PRDM11: variants seen among roughly 807,000 people sequenced by gnomAD.
PRDM11 encodes the protein PR domain-containing protein 11.
A neutral mutation model predicts 97.8 loss-of-function variants in PRDM11; 20 were observed. The ratio of observed to expected loss-of-function variants is 0.20; its 90% CI spans 0.14 to 0.30. The LOEUF is 0.30. Ranked by LOEUF, PRDM11 falls within the 10% of genes least tolerant of loss-of-function variation. The probability of loss-of-function intolerance (pLI) is 1.00; values close to 1 mark genes in which losing one functional copy is unlikely to be tolerated. For synonymous variants in PRDM11, 599 were observed against 637.7 expected (o/e 0.94, Z 0.91); for missense variants, 1,139 against 1,555.2 (o/e 0.73, Z 4.50).
chr11:45,181,668 C>T (rs1479956880), intron 1 of PRDM11, 93 bp from the exon 2 acceptor site: 17 of 1,043,224 alleles, frequency 1.6e-5, no homozygotes, highest in Non-Finnish European at 2.1e-5. Context: ...AACCAGACTC[C>T]GCGAGACCCC....
At chr11:45,164,172 C>T (rs1852001981) in intron 1 of PRDM11, among the ~76,000 whole-genome samples, 1 of 152,178 alleles carries the variant, frequency 6.6e-6, no homozygotes, top group Non-Finnish European at 1.5e-5. Context: ...TCCCCAGCAC[C>T]CCGCGGGTCC....
intron 5 of PRDM11, chr11:45,213,456 G>A (rs1309898074): frequency 2.2e-6 from 1 of 450,210 alleles, no homozygotes; most frequent in East Asian, 7.0e-5. Context: ...TTCTTTTGAA[G>A]GGGGTGAGGC....
chr11:45,212,967 C>T (rs1161197150), intron 5 of PRDM11: 1 of 394,672 alleles, frequency 2.5e-6, no homozygotes, highest in Non-Finnish European at 5.1e-6. Context: ...GCCCCCCTGC[C>T]AGAGCCCCCA....
chr11:45,145,554 A>G (rs150286908), upstream of PRDM11, among the ~76,000 whole-genome samples: 283 of 152,170 alleles, frequency 1.9e-3, 2 homozygotes, highest in African/African-American at 6.5e-3. Context: ...GGCTTCGTGG[A>G]TGTTTGGGGA....
At chr11:45,097,706 G>A (rs138783022) in intron 1 of PRDM11, among the ~76,000 whole-genome samples, 2 of 152,218 alleles carry the variant, frequency 1.3e-5, no homozygotes, top group East Asian at 1.9e-4. Flanking sequence ...CCAGGGCTTA[G>A]GACCACCTGT....
At chr11:45,156,224 G>T (rs1012462950) in intron 1 of PRDM11, among the ~76,000 whole-genome samples, 3 of 152,220 alleles carry the variant, frequency 2.0e-5, no homozygotes, top group African/African-American at 7.2e-5. Flanking sequence ...AGCCACTGTG[G>T]CTCAGGCAGG....
Position 45,224,273 on chromosome 11 carries a change from C to T in PRDM11, c.799C>T (p.Leu267=). Residue 267 remains leucine (L), a synonymous_variant, in exon 7 of 8, where the codon CTG becomes TTG. Coordinates refer to ENST00000683152, the MANE Select transcript of PRDM11 (RefSeq NM_001384648.1). The part of the protein sequence containing the change: ...SEQVLDNPED[L]RGPIHLSVLR... ...GCAGGTTCTGGATAACCCAGAAGAC[C>T]TGAGGGGTCCCATTCATCTCTCTGT... 6.2e-7 allele frequency: 1 copy of T among 1,613,548 alleles called. No homozygotes were observed. Among genetic ancestry groups the T allele is most frequent in the Non-Finnish European group, 8.5e-7 (1 of 1,179,794 alleles).
At chr11:45,183,406 G>A (rs1283776215) in intron 4 of PRDM11, among the ~76,000 whole-genome samples, 1 of 152,182 alleles carries the variant, frequency 6.6e-6, no homozygotes, top group Non-Finnish European at 1.5e-5. Flanking sequence ...GTGTGTGTCT[G>A]GTGGACCATT....
At chr11:45,106,025 C>T (rs534061802) in intron 1 of PRDM11, among the ~76,000 whole-genome samples, 108 of 152,284 alleles carry the variant, frequency 7.1e-4, no homozygotes, top group African/African-American at 2.3e-3. Context: ...AGAAATCATC[C>T]GTTTTCACAT....
chr11:45,226,701 G>T lies in PRDM11; in HGVS notation c.2076G>T (p.Leu692=), dbSNP rs1354806256. ...ATGGGCCCCCGGCCACAGAGTTCCT[G>T]TCCCTGCAGGAGCTGGGATTCTCTA... is the stretch of plus-strand genomic sequence containing the variant. The part of the protein sequence containing the change: ...SSDGPPATEF[L]SLQELGFSST... The change falls in exon 8 of 8, where the codon CTG becomes CTT. Residue 692 remains leucine (L), a synonymous_variant. Transcript: ENST00000683152. The T allele has an allele frequency of 4.6e-6, 7 of 1,533,888 alleles. No individual in the cohort carries two copies. The highest frequency in any genetic ancestry group is 5.2e-6 in the Non-Finnish European group (6 of 1,146,754).
At chr11:45,095,764 C>T (rs749176758), upstream of PRDM11, 2 of 709,432 alleles carry the variant, frequency 2.8e-6, no homozygotes, top group Non-Finnish European at 5.2e-6. Flanking sequence ...GATACGATGG[C>T]TACAGCTGGG....
chr11:45,190,131 G>A (rs1452410425), intron 4 of PRDM11, among the ~76,000 whole-genome samples: 3 of 150,274 alleles, frequency 2.0e-5, no homozygotes, highest in South Asian at 2.1e-4. Flanking sequence ...ACACACACAC[G>A]TGCACACACA....
At chr11:45,124,136 GCTCT>G (rs1234214583) in intron 1 of PRDM11, among the ~76,000 whole-genome samples, 11 of 148,862 alleles carry the variant, frequency 7.4e-5, no homozygotes, top group South Asian at 2.1e-4. Context: ...TCATGATTTG[GCTCT>G]CTGTTTGTCT....
intron 1 of PRDM11, among the ~76,000 whole-genome samples, chr11:45,113,217 C>A (rs1852222236): frequency 6.6e-6 from 1 of 152,066 alleles, no homozygotes; most frequent in African/African-American, 2.4e-5. Flanking sequence ...GCGTCTTGTC[C>A]CCAGTTTACG....
At chr11:45,106,228 C>T (rs1247961583) in intron 1 of PRDM11, among the ~76,000 whole-genome samples, 1 of 152,106 alleles carries the variant, frequency 6.6e-6, no homozygotes, top group African/African-American at 2.4e-5. Context: ...GTCCCAAGCT[C>T]CTGCGCTTCC....
At position 45,230,476 on chromosome 11, in the gene PRDM11, T is replaced by C. The variant is rs1168214304; in HGVS notation, c.*2317T>C. On this transcript the variant is annotated 3_prime_UTR_variant, in exon 8 of 8. Transcript: ENST00000683152. ...CCTCCATCTGCTCCTCCCATCAGGG[T>C]CAAAACCTAACTGTGGTCAAATGGG... The C allele has an allele frequency of 2.6e-5, 4 of 152,168 alleles. No homozygotes were observed. The highest frequency in any genetic ancestry group is 9.7e-5 in the African/African-American group (4 of 41,430). 9.4% of individuals were successfully genotyped at this position (152,168 alleles called of 1,614,324 possible).
intron 1 of PRDM11, among the ~76,000 whole-genome samples, chr11:45,156,366 T>C (rs1167521451): frequency 6.6e-6 from 1 of 152,206 alleles, no homozygotes; most frequent in Non-Finnish European, 1.5e-5. Flanking sequence ...AGCGGCCCCT[T>C]GTGCTCTGGG....
intron 1 of PRDM11, among the ~76,000 whole-genome samples, chr11:45,098,460 G>A (rs893505548): frequency 1.3e-5 from 2 of 152,192 alleles, no homozygotes; most frequent in African/African-American, 4.8e-5. Context: ...CAATCATTAC[G>A]AGATAGAGGT....
chr11:45,210,687 C>T (rs935606915), intron 5 of PRDM11, among the ~76,000 whole-genome samples: 19 of 152,318 alleles, frequency 1.2e-4, no homozygotes, highest in South Asian at 2.1e-4. Context: ...TGGCAGTTCA[C>T]AGAGTCAGAT....
Sources: allele counts gnomAD v4.1 joint callset (sites outside exome capture counted in the v4.1 genomes callset), GRCh38; gene constraint gnomAD v4.1.1; transcripts MANE v1.5; gene names NCBI Gene and HGNC (gene_info 2026-07-23, HGNC 2026-07-21).